The following DLC1 variants were observed in gnomAD, a reference collection of about 807,000 sequenced individuals.
DLC1 encodes the protein DLC1 Rho GTPase activating protein.
DLC1 carries 54 observed loss-of-function variants against 140.3 expected under a neutral mutation model. The ratio of observed to expected loss-of-function variants is 0.38; its 90% CI spans 0.31 to 0.48. DLC1 has a LOEUF of 0.48. Among genes scored for constraint, DLC1 ranks in the 20% least tolerant of loss-of-function variants. The pLI is 0.96. For synonymous variants in DLC1, 986 were observed against 728.1 expected (o/e 1.35, Z -5.70); for missense variants, 2,536 against 1,907.0 (o/e 1.33, Z -6.14).
intron 3 of DLC1, among the ~76,000 whole-genome samples, chr8:13,394,502 T>G (rs1280818139): frequency 6.6e-6 from 1 of 152,182 alleles, no homozygotes; most frequent in Middle Eastern, 3.2e-3. Context: ...GCATTTAATA[T>G]ATCATATGCT....
At chr8:13,564,443 C>T (rs990618243) in intron 1 of DLC1, among the ~76,000 whole-genome samples, 1 of 152,184 alleles carries the variant, frequency 6.6e-6, no homozygotes, top group Non-Finnish European at 1.5e-5. Flanking sequence ...CACAGCGTTA[C>T]TTGAGAAGTT....
intron 1 of DLC1, among the ~76,000 whole-genome samples, chr8:13,576,577 TC>T (rs1804845133): frequency 6.6e-6 from 1 of 152,248 alleles, no homozygotes; most frequent in Non-Finnish European, 1.5e-5. Flanking sequence ...GATTGCTATT[TC>T]TTACAGATAG....
At chr8:13,553,084 A>T (rs1443887001) in intron 1 of DLC1, among the ~76,000 whole-genome samples, 1 of 150,990 alleles carries the variant, frequency 6.6e-6, no homozygotes, top group East Asian at 2.0e-4. Context: ...TTATCAACAC[A>T]CAGAGACTGC....
intron 5 of DLC1, among the ~76,000 whole-genome samples, chr8:13,295,325 G>A (rs1281668222): frequency 6.6e-6 from 1 of 152,222 alleles, no homozygotes; most frequent in African/African-American, 2.4e-5. Context: ...GTGTGCATCA[G>A]CACTCTTTAG....
chr8:13,128,204 T>A (rs1821751653), intron 5 of DLC1, among the ~76,000 whole-genome samples: 1 of 152,216 alleles, frequency 6.6e-6, no homozygotes. Flanking sequence ...CATTCACATA[T>A]TTTCAGTCAC....
chr8:13,502,822 T>C (rs1413908947), intron 1 of DLC1, among the ~76,000 whole-genome samples: 1 of 152,176 alleles, frequency 6.6e-6, no homozygotes, highest in East Asian at 1.9e-4. Flanking sequence ...TTGCTGAGGA[T>C]TTGGATGGAG....
intron 1 of DLC1, among the ~76,000 whole-genome samples, chr8:13,545,872 G>A (rs996927134): frequency 2.6e-5 from 4 of 152,080 alleles, no homozygotes; most frequent in South Asian, 2.1e-4. Context: ...ATTTTATGAT[G>A]ATGCATAAAA....
In DLC1 at chr8:13,310,869, A is replaced by G. The variant is rs193243980; in HGVS notation, c.1315-5567T>C. On this transcript the variant is annotated intron_variant, in intron 4 of 17. Coordinates refer to ENST00000276297, the MANE Select transcript of DLC1 (RefSeq NM_182643.3). ...ATGGAGAGGGATTTAGAGATCATTCATTTGTGTTTCCCAATCTTCAGTTCT... is the reference window on the plus strand; with the variant it reads ...ATGGAGAGGGATTTAGAGATCATTCGTTTGTGTTTCCCAATCTTCAGTTCT... Among the ~76,000 whole-genome samples, 3 of 152,314 alleles carry G rather than the reference A, an allele frequency of 2.0e-5. No homozygotes were observed. The East Asian group carries it at 5.8e-4, about 29-fold the overall frequency.
At chr8:13,417,855 C>T (rs1408538218) in intron 2 of DLC1, among the ~76,000 whole-genome samples, 1 of 152,134 alleles carries the variant, frequency 6.6e-6, no homozygotes, top group Non-Finnish European at 1.5e-5. Flanking sequence ...TATTTCTCCA[C>T]ATCCTCTCCA....
At chr8:13,456,749 G>A (rs189727912) in intron 2 of DLC1, among the ~76,000 whole-genome samples, 2 of 152,264 alleles carry the variant, frequency 1.3e-5, no homozygotes, top group East Asian at 1.9e-4. Context: ...ATGAGCCACC[G>A]TGCCCCCCTC....
intron 1 of DLC1, among the ~76,000 whole-genome samples, chr8:13,537,646 CTCTTT>C (rs1217596073): frequency 7.6e-5 from 10 of 131,214 alleles, no homozygotes; most frequent in African/African-American, 3.0e-4. Context: ...CAACAGCTAA[CTCTTT>C]TTTTTTTTTT....
intron 4 of DLC1, among the ~76,000 whole-genome samples, chr8:13,363,726 C>A (rs1478898946): frequency 1.3e-5 from 2 of 151,996 alleles, no homozygotes; most frequent in Non-Finnish European, 2.9e-5. Context: ...CTTTATTTTC[C>A]ATTGTAGGTC....
chr8:13,545,596 A>C (rs972070279), intron 1 of DLC1, among the ~76,000 whole-genome samples: 1 of 152,094 alleles, frequency 6.6e-6, no homozygotes, highest in African/African-American at 2.4e-5. Flanking sequence ...CTATTTGTGT[A>C]ATATACTTTG....
At chr8:13,089,606 CAG>C (rs1452886511) in intron 15 of DLC1, among the ~76,000 whole-genome samples, 2 of 152,126 alleles carry the variant, frequency 1.3e-5, no homozygotes, top group African/African-American at 4.8e-5. Flanking sequence ...GCCTGGGTGA[CAG>C]AGCAAGACTC....
Position 13,499,501 on chromosome 8 carries a change from G to C in DLC1, c.571C>G (p.Leu191Val). Reference protein sequence around the residue: ...RKVTDSISKSLELCNEISLSE... With the variant: ...RKVTDSISKSVELCNEISLSE... Reference sequence around the variant, plus strand: ...AAGCTTATTTCATTGCAAAGCTCCAGGCTTTTACTTATAGAGTCAGTAACT... The same window carrying C: ...AAGCTTATTTCATTGCAAAGCTCCACGCTTTTACTTATAGAGTCAGTAACT... The change falls in exon 2 of 18, where the codon CTG becomes GTG. Residue 191 changes from leucine (L) to valine (V), a missense_variant. By Grantham distance (32) the Leu-to-Val change is conservative. Coordinates refer to ENST00000276297, the MANE Select transcript of DLC1 (RefSeq NM_182643.3). 1 of 1,614,104 alleles carries C rather than the reference G, an allele frequency of 6.2e-7. No homozygotes were observed. Among genetic ancestry groups the C allele is most frequent in the Non-Finnish European group, 8.5e-7 (1 of 1,180,014 alleles).
In DLC1 at chr8:13,095,069, G is replaced by A. The variant is rs371215744; in HGVS notation, c.3327+17C>T. Reference sequence around the variant, plus strand: ...CGAGCTCCCCTGAGTACGTGGACCCGCAGGCAGCGCTCTCACCTGATCCAA... The same window carrying A: ...CGAGCTCCCCTGAGTACGTGGACCCACAGGCAGCGCTCTCACCTGATCCAA... On this transcript the variant is annotated intron_variant, in intron 11 of 17. Coordinates refer to ENST00000276297, the MANE Select transcript of DLC1 (RefSeq NM_182643.3). 181 of 1,613,836 alleles carry A rather than the reference G, an allele frequency of 1.1e-4. No individual in the cohort carries two copies. The highest frequency in any genetic ancestry group is 1.4e-4 in the Non-Finnish European group (164 of 1,179,860).
At chr8:13,105,420 C>CTA (rs199540543) in intron 7 of DLC1, among the ~76,000 whole-genome samples, 1 of 152,040 alleles carries the variant, frequency 6.6e-6, no homozygotes, top group Non-Finnish European at 1.5e-5. Flanking sequence ...TAGGCACTTC[C>CTA]TATATATGAC....
intron 5 of DLC1, among the ~76,000 whole-genome samples, chr8:13,264,985 A>G (rs1013399626): frequency 2.0e-5 from 3 of 152,242 alleles, no homozygotes; most frequent in Non-Finnish European, 4.4e-5. Context: ...CAAAGTGAAC[A>G]GAGATTACCT....
intron 5 of DLC1, among the ~76,000 whole-genome samples, chr8:13,216,442 C>G (rs1284724805): frequency 1.3e-5 from 2 of 152,096 alleles, no homozygotes; most frequent in South Asian, 2.1e-4. Flanking sequence ...ATGACACACT[C>G]TACTCCAAGG....
Sources: allele counts gnomAD v4.1 joint callset (sites outside exome capture counted in the v4.1 genomes callset), GRCh38; gene constraint gnomAD v4.1.1; transcripts MANE v1.5; gene names NCBI Gene and HGNC (gene_info 2026-07-23, HGNC 2026-07-21).